The following GASK1B variants were observed in gnomAD, a reference collection of about 807,000 sequenced individuals.
GASK1B encodes Golgi-associated kinase 1B.
In GASK1B, 34 loss-of-function variants were observed where a neutral mutation model predicts 42.8. The observed-to-expected ratio is 0.79, with a 90% CI of 0.60 to 1.06. The LOEUF (loss-of-function observed/expected upper bound fraction) is 1.06. GASK1B is among the 50% of genes least tolerant of loss of function. The pLI, the probability that GASK1B is intolerant of heterozygous loss-of-function variation, is 0.00. For synonymous variants in GASK1B, 262 were observed against 259.1 expected (o/e 1.01, Z -0.11); for missense variants, 686 against 661.0 (o/e 1.04, Z -0.42).
At chr4:158,147,004 A>T (rs1731355046) in intron 3 of GASK1B, among the ~76,000 whole-genome samples, 1 of 152,222 alleles carries the variant, frequency 6.6e-6, no homozygotes, top group Non-Finnish European at 1.5e-5. Flanking sequence ...TGCTGTGTAC[A>T]GAAAATTAAC....
chr4:158,132,741 G>A (rs1049143686), intron 3 of GASK1B, among the ~76,000 whole-genome samples: 3 of 152,128 alleles, frequency 2.0e-5, no homozygotes, highest in Non-Finnish European at 4.4e-5. Flanking sequence ...ACCAGTCAAA[G>A]GGTACACTGC....
Position 158,170,731 on chromosome 4 carries a change from C to A in GASK1B, c.645G>T (p.Trp215Cys). The change falls in exon 2 of 5, where the codon TGG (tryptophan) becomes TGT (cysteine). Residue 215 changes from tryptophan (W) to cysteine (C), a missense_variant. Trp to Cys is a radical substitution (Grantham distance 215). Transcript: ENST00000585682. The stretch of plus-strand genomic sequence containing the variant: ...TTCTTCGGATGTCATCTTTGCTCAG[C>A]CAGGAGGGGGCGCTCTCGCTGTAGA... ...IRIYSESAPS[W>C]LSKDDIRRMR... The A allele has an allele frequency of 6.2e-7, 1 of 1,614,238 alleles. No individual in the cohort carries two copies.
In GASK1B at chr4:158,130,716, A is replaced by G. The variant is rs1463827123; in HGVS notation, c.1352+70T>C. The G allele has an allele frequency of 3.5e-6, 4 of 1,145,934 alleles. No homozygotes were observed. The East Asian group carries it at 9.5e-5, about 27-fold the overall frequency. The allele number at this position is 1,145,934 out of a possible 1,614,324, so 71.0% of individuals were successfully genotyped here. A position where few individuals can be genotyped will look rare whatever the true frequency, so the allele number is the denominator to read the frequency against. On this transcript the variant is annotated intron_variant, in intron 4 of 4. Coordinates refer to ENST00000585682, the MANE Select transcript of GASK1B (RefSeq NM_001128424.2). ...TTAAAATGATCAGATGTAAGATGTG[A>G]GTTTTCTCAGAACCTTGCTACTTAT...
chr4:158,150,939 T>G (rs1247959301), intron 3 of GASK1B, among the ~76,000 whole-genome samples: 1 of 152,226 alleles, frequency 6.6e-6, no homozygotes. Flanking sequence ...ACTGTGACTC[T>G]GTGCTAAACT....
chr4:158,149,685 C>T (rs1303875036), intron 3 of GASK1B, among the ~76,000 whole-genome samples: 2 of 152,156 alleles, frequency 1.3e-5, no homozygotes, highest in Non-Finnish European at 2.9e-5. Context: ...ACTCTAGGTA[C>T]TTTCATTCAT....
At chr4:158,149,268 T>A (rs1183699059) in intron 3 of GASK1B, among the ~76,000 whole-genome samples, 2 of 152,232 alleles carry the variant, frequency 1.3e-5, no homozygotes, top group African/African-American at 4.8e-5. Context: ...ATTTTCTTAA[T>A]GAAATAGTTT....
At chr4:158,149,569 G>C (rs1731464856) in intron 3 of GASK1B, among the ~76,000 whole-genome samples, 1 of 108,182 alleles carries the variant, frequency 9.2e-6, no homozygotes. Context: ...TCACTGGCAG[G>C]TTCAAAATTT....
intron 4 of GASK1B, 136 bp from the exon 5 acceptor site, chr4:158,127,750 T>A (rs1730518839): frequency 1.4e-6 from 1 of 713,192 alleles, no homozygotes; most frequent in African/African-American, 1.8e-5. Flanking sequence ...ACATTTTTGT[T>A]ACTGCCAAGA....
chr4:158,131,250 T>C (rs981674976), intron 3 of GASK1B, among the ~76,000 whole-genome samples: 2 of 152,202 alleles, frequency 1.3e-5, no homozygotes, highest in Non-Finnish European at 1.5e-5. Flanking sequence ...ATTATCCAAG[T>C]TAGGCATCTC....
intron 3 of GASK1B, among the ~76,000 whole-genome samples, chr4:158,150,933 T>C (rs1396470284): frequency 6.6e-6 from 1 of 152,180 alleles, no homozygotes; most frequent in Non-Finnish European, 1.5e-5. Context: ...TCGTAGACTG[T>C]GACTCTGTGC....
At chr4:158,142,054 C>T (rs1731154800) in intron 3 of GASK1B, among the ~76,000 whole-genome samples, 2 of 148,544 alleles carry the variant, frequency 1.3e-5, no homozygotes, top group South Asian at 4.4e-4. Flanking sequence ...ACGCCATTCT[C>T]CTGCCTCAGC....
In GASK1B at chr4:158,144,350, T is replaced by C. The variant is rs556601880; in HGVS notation, c.1125+11261A>G. On this transcript the variant is annotated intron_variant, in intron 3 of 4. Coordinates refer to ENST00000585682, the MANE Select transcript of GASK1B (RefSeq NM_001128424.2). ...TCATCAATACTGAAATAATTTCTTC[T>C]AGTGACAAACTATGGAAATACATAT... Among the ~76,000 whole-genome samples the C allele has an allele frequency of 2.0e-5, 3 of 152,348 alleles. No homozygotes were observed. In the South Asian group the frequency reaches 6.2e-4, roughly 32 times the overall value.
intron 2 of GASK1B, chr4:158,169,909 C>G (rs989436271): frequency 3.3e-6 from 1 of 299,414 alleles, no homozygotes; most frequent in Non-Finnish European, 6.2e-6. Context: ...GAACAAATCA[C>G]CAATTTTTGC....
intron 1 of GASK1B, chr4:158,172,612 A>G (rs1461807227): frequency 6.6e-6 from 1 of 152,250 alleles, no homozygotes; most frequent in African/African-American, 2.4e-5. Context: ...GAAAAAAGAA[A>G]TGCCGTAGAG....
rs566721914 is a variant in GASK1B at position 158,152,629 on chromosome 4, T to C, written c.1125+2982A>G. On this transcript the variant is annotated intron_variant, in intron 3 of 4. Transcript: ENST00000585682. ...AAATACTAGCTAAACCAATCCAGCA[T>C]ACCAAAAAGATAATCCACCATGATC... Among the ~76,000 whole-genome samples the C allele has an allele frequency of 1.1e-4, 16 of 152,060 alleles. No individual in the cohort carries two copies. In the South Asian group the frequency reaches 3.3e-3, roughly 32 times the overall value.
chr4:158,136,912 T>G lies in GASK1B; in HGVS notation c.1126-5900A>C, dbSNP rs148924818. ...ACATAGTAGGTACTCAATAAATGTT[T>G]GTTATTGAATGAACCCTGCTGAAAG... On this transcript the variant is annotated intron_variant, in intron 3 of 4. Coordinates refer to ENST00000585682, the MANE Select transcript of GASK1B (RefSeq NM_001128424.2). Among the ~76,000 whole-genome samples, 35 of 152,356 alleles carry G rather than the reference T, an allele frequency of 2.3e-4. No homozygotes were observed. In the East Asian group the frequency reaches 6.4e-3, roughly 28 times the overall value.
At chr4:158,150,071 G>A (rs1357233036) in intron 3 of GASK1B, among the ~76,000 whole-genome samples, 4 of 151,590 alleles carry the variant, frequency 2.6e-5, no homozygotes, top group Non-Finnish European at 4.4e-5. Flanking sequence ...CACCACAGGC[G>A]TCCACCACCA....
At chr4:158,154,659 T>C (rs1367608048) in intron 3 of GASK1B, among the ~76,000 whole-genome samples, 1 of 152,166 alleles carries the variant, frequency 6.6e-6, no homozygotes, top group Non-Finnish European at 1.5e-5. Flanking sequence ...ATATATACCA[T>C]AGAATACTAC....
At chr4:158,161,334 G>C (rs770183562) in intron 2 of GASK1B, among the ~76,000 whole-genome samples, 1 of 151,996 alleles carries the variant, frequency 6.6e-6, no homozygotes, top group Admixed American at 6.6e-5. Context: ...AGGTCTCTGC[G>C]TGATTCCAAA....
Sources: gnomAD v4.1 joint callset for allele counts (sites outside exome capture counted in the v4.1 genomes callset) on GRCh38, gnomAD v4.1.1 for gene constraint, MANE v1.5 for transcripts, NCBI Gene and HGNC (gene_info 2026-07-23, HGNC 2026-07-21) for gene names.